Variants in SYNE2 observed in about 807,000 individuals in gnomAD.
SYNE2 encodes the protein nesprin-2.
Under a neutral mutation model 856.3 loss-of-function variants are expected in SYNE2, and 431 were observed. The observed-to-expected ratio is 0.50, with a 90% CI of 0.47 to 0.55. SYNE2 has a LOEUF of 0.55. Among genes scored for constraint, SYNE2 ranks in the 20% least tolerant of loss-of-function variants. The pLI, the probability that SYNE2 is intolerant of heterozygous loss-of-function variation, is 0.00. For missense variants in SYNE2, 8,129 were observed against 8,023.2 expected (o/e 1.01, Z -0.50); for synonymous variants, 2,923 against 2,872.3 (o/e 1.02, Z -0.56).
chr14:63,935,434 A>T (rs1262119572), intron 2 of SYNE2, among the ~76,000 whole-genome samples: 1 of 152,238 alleles, frequency 6.6e-6, no homozygotes, highest in Non-Finnish European at 1.5e-5. Flanking sequence ...ACAAAATTCC[A>T]TTTATGCTGC....
intron 1 of SYNE2, among the ~76,000 whole-genome samples, chr14:63,768,674 T>C (rs1187801014): frequency 2.6e-5 from 4 of 152,174 alleles, no homozygotes; most frequent in African/African-American, 9.7e-5. Context: ...GCCTGTAGCC[T>C]GTCCGTATTG....
At chr14:64,204,053 T>C (rs563390298) in intron 100 of SYNE2, among the ~76,000 whole-genome samples, 35 of 152,328 alleles carry the variant, frequency 2.3e-4, no homozygotes, top group Middle Eastern at 3.4e-3. Flanking sequence ...CTATTACAAT[T>C]ACTGTTTAAA....
chr14:63,806,940 C>T (rs1888383767), intron 1 of SYNE2, among the ~76,000 whole-genome samples: 1 of 151,336 alleles, frequency 6.6e-6, no homozygotes. Flanking sequence ...GTTCCAAACT[C>T]CTGGCCTCAA....
chr14:64,181,277 A>G (rs913404662), intron 96 of SYNE2, among the ~76,000 whole-genome samples: 2 of 152,184 alleles, frequency 1.3e-5, no homozygotes, highest in Non-Finnish European at 2.9e-5. Context: ...GGTTAACAAG[A>G]TTTCTATGCC....
intron 51 of SYNE2, among the ~76,000 whole-genome samples, chr14:64,066,668 T>C (rs1188213198): frequency 1.3e-5 from 2 of 152,234 alleles, no homozygotes; most frequent in African/African-American, 4.8e-5. Context: ...AAATAAACTT[T>C]GTAAATTACA....
intron 32 of SYNE2, among the ~76,000 whole-genome samples, chr14:64,015,862 T>C (rs1194577936): frequency 1.3e-5 from 2 of 152,126 alleles, no homozygotes; most frequent in Non-Finnish European, 2.9e-5. Context: ...TTGACTGTGC[T>C]ATACAAGTTT....
chr14:64,223,852 C>G (rs906531859), intron 113 of SYNE2, among the ~76,000 whole-genome samples: 1 of 152,184 alleles, frequency 6.6e-6, no homozygotes, highest in Admixed American at 6.5e-5. Flanking sequence ...AAACTAGACT[C>G]TCTTGATGGC....
intron 79 of SYNE2, 109 bp from the exon 80 acceptor site, chr14:64,139,832 C>T (rs2098126033): frequency 2.8e-6 from 3 of 1,070,860 alleles, no homozygotes; most frequent in South Asian, 2.5e-5. Flanking sequence ...AATGTTAGGA[C>T]TGATCAACAT....
chr14:64,164,902 C>T (rs548524932), intron 89 of SYNE2, among the ~76,000 whole-genome samples: 1 of 151,524 alleles, frequency 6.6e-6, no homozygotes, highest in East Asian at 1.9e-4. Flanking sequence ...TTGTTTGAGA[C>T]AGGGAGACAG....
chr14:64,040,655 C>A, intron 45 of SYNE2, among the ~76,000 whole-genome samples: 1 of 143,962 alleles, frequency 6.9e-6, no homozygotes, highest in African/African-American at 2.5e-5. Flanking sequence ...GAAATATTTT[C>A]AGAAATATAT....
At chr14:63,988,982 T>A (rs549723882) in intron 19 of SYNE2, among the ~76,000 whole-genome samples, 22 of 152,158 alleles carry the variant, frequency 1.4e-4, no homozygotes, top group Non-Finnish European at 3.2e-4. Flanking sequence ...AATTAAAAAA[T>A]TATTTTTTGC....
chr14:64,062,628 A>G (rs765592199), intron 49 of SYNE2, 123 bp from the exon 50 acceptor site: 9 of 1,030,896 alleles, frequency 8.7e-6, no homozygotes, highest in Non-Finnish European at 1.3e-5. Context: ...ATTGCCTAGC[A>G]AAAACGAAAG....
intron 77 of SYNE2, 88 bp downstream of exon 77, chr14:64,132,526 A>G (rs904184236): frequency 2.0e-6 from 3 of 1,518,152 alleles, no homozygotes; most frequent in African/African-American, 2.7e-5. Flanking sequence ...GTATCTAGTT[A>G]TCATTAAGCT....
chr14:63,982,528 A>AT, intron 16 of SYNE2, 102 bp from the exon 17 acceptor site: 3 of 1,270,856 alleles, frequency 2.4e-6, no homozygotes, highest in Non-Finnish European at 3.3e-6. Context: ...TCAAAAAAAA[A>AT]AAAAAAAAAG....
chr14:64,115,653 G>A (rs2097848514), intron 66 of SYNE2, among the ~76,000 whole-genome samples: 1 of 152,302 alleles, frequency 6.6e-6, no homozygotes, highest in East Asian at 1.9e-4. Flanking sequence ...AAAAATTTGA[G>A]TCTGGTGCTG....
At chr14:64,197,605 T>G (rs2098545941) in intron 99 of SYNE2, among the ~76,000 whole-genome samples, 1 of 152,252 alleles carries the variant, frequency 6.6e-6, no homozygotes, top group Non-Finnish European at 1.5e-5. Context: ...TTCCTTAGTA[T>G]TTTTTAAATT....
rs866785026 is a variant in SYNE2 at position 64,143,899 on chromosome 14, G to C, written c.15434G>C (p.Gly5145Ala). 2 of 1,614,180 alleles carry C rather than the reference G, an allele frequency of 1.2e-6. No individual in the cohort carries two copies. ...YERTEFAEHL[G>A]EMNRQWHRVH... ...AGAACGGAGTTTGCAGAGCACCTGG[G>C]GGAGATGAACCGCCAGTGGCACCGT... The change falls in exon 83 of 116, where the codon GGG (glycine) becomes GCG (alanine). Residue 5145 changes from glycine to alanine, a missense_variant. By Grantham distance (60) the Gly-to-Ala change is moderately conservative. Transcript: ENST00000555002.
intron 2 of SYNE2, among the ~76,000 whole-genome samples, chr14:63,935,389 T>A (rs1168772539): frequency 1.3e-5 from 2 of 152,226 alleles, no homozygotes; most frequent in Non-Finnish European, 2.9e-5. Flanking sequence ...TAATCTCTAA[T>A]CAGTTGCAAT....
chr14:64,143,433 C>T (rs533250182), intron 82 of SYNE2, among the ~76,000 whole-genome samples: 4 of 152,266 alleles, frequency 2.6e-5, no homozygotes, highest in Non-Finnish European at 5.9e-5. Flanking sequence ...TCAGGATGGC[C>T]CAGAATTCCA....
Sources: allele counts gnomAD v4.1 joint callset (sites outside exome capture counted in the v4.1 genomes callset), GRCh38; gene constraint gnomAD v4.1.1; transcripts MANE v1.5; gene names NCBI Gene and HGNC (gene_info 2026-07-23, HGNC 2026-07-21).